The following IL16 variants were observed in gnomAD, a reference collection of about 807,000 sequenced individuals.
IL16 encodes the protein pro-interleukin-16.
IL16 carries 67 observed loss-of-function variants against 110.1 expected under a neutral mutation model. The observed-to-expected ratio is 0.61, with a 90% CI of 0.50 to 0.75. IL16 has a LOEUF of 0.75. Among genes scored for constraint, IL16 ranks in the 30% least tolerant of loss-of-function variants. The pLI, the probability that IL16 is intolerant of heterozygous loss-of-function variation, is 0.00. For missense variants in IL16, 1,545 were observed against 1,655.0 expected, an observed-to-expected ratio of 0.93 and a Z score of 1.15; for synonymous variants, 689 against 662.9, an observed-to-expected ratio of 1.04 and a Z score of -0.61.
At chr15:81,238,030 A>G (rs528741722) in intron 2 of IL16, among the ~76,000 whole-genome samples, 1 of 151,950 alleles carries the variant, frequency 6.6e-6, no homozygotes, top group Non-Finnish European at 1.5e-5. Flanking sequence ...CAGCCTTCCG[A>G]GTAGCTGGGA....
Position 81,292,936 on chromosome 15 carries a change from C to G in IL16, c.1801C>G (p.Pro601Ala). The G allele has an allele frequency of 1.2e-6, 2 of 1,614,210 alleles. No individual in the cohort carries two copies. The highest frequency in any genetic ancestry group is 2.2e-5 in the South Asian group (2 of 91,086). Reference protein sequence around the residue: ...KPMSSKPKPPPRKYFKSDSDP... With the variant: ...KPMSSKPKPPARKYFKSDSDP... ...TATGTCCTCCAAGCCCAAGCCTCCA[C>G]CCAGAAAATACTTTAAAAGTGACAG... The change falls in exon 12 of 19, where the codon CCC becomes GCC. Residue 601 changes from proline to alanine, a missense_variant. Pro to Ala is a conservative substitution (Grantham distance 27, BLOSUM62 -1). This residue lies in a region of IL16 where 1,185 missense variants were observed against 1,238.8 expected (regional missense o/e 0.96). Coordinates refer to ENST00000683961, the MANE Select transcript of IL16 (RefSeq NM_172217.5).
At chr15:81,306,280 T>C (rs774395830) in intron 17 of IL16, 114 bp downstream of exon 17, 15 of 1,518,650 alleles carry the variant, frequency 9.9e-6, no homozygotes, top group Non-Finnish European at 1.3e-5. Context: ...TGTGGCTGCC[T>C]AGTACACTGC....
intron 13 of IL16, among the ~76,000 whole-genome samples, chr15:81,297,665 C>A (rs1900054937): frequency 6.6e-6 from 1 of 152,126 alleles, no homozygotes; most frequent in Admixed American, 6.5e-5. Context: ...ACCTACTTTG[C>A]CTTTCTGAGC....
intron 1 of IL16, among the ~76,000 whole-genome samples, chr15:81,224,280 T>A (rs527720957): frequency 6.6e-6 from 1 of 152,238 alleles, no homozygotes; most frequent in African/African-American, 2.4e-5. Context: ...GCAGTACCAA[T>A]GGGCCAAGAG....
At chr15:81,201,042 A>C (rs1196616876) in intron 1 of IL16, among the ~76,000 whole-genome samples, 3 of 152,210 alleles carry the variant, frequency 2.0e-5, no homozygotes, top group African/African-American at 7.2e-5. Context: ...ATCCTGCAGC[A>C]GTTGCTGAGA....
chr15:81,259,670 G>T, intron 2 of IL16, 102 bp from the exon 3 acceptor site: 1 of 697,902 alleles, frequency 1.4e-6, no homozygotes, highest in South Asian at 1.7e-5. Context: ...AGGGGAGACA[G>T]ATAATCTGAG....
intron 18 of IL16, among the ~76,000 whole-genome samples, chr15:81,307,745 T>A (rs1900646313): frequency 2.0e-5 from 3 of 152,174 alleles, no homozygotes; most frequent in Admixed American, 1.3e-4. Flanking sequence ...AGATGCAGAT[T>A]CTGGAGCCAG....
rs1900717100 is a variant in IL16, at chr15:81,309,002, G to T, written c.*204G>T. 2 of 484,022 alleles carry T rather than the reference G, an allele frequency of 4.1e-6. No individual in the cohort carries two copies. The highest frequency in any genetic ancestry group is 7.3e-5 in the South Asian group (2 of 27,512). 30.0% of individuals were successfully genotyped at this position (484,022 alleles called of 1,614,324 possible). A position where few individuals can be genotyped will look rare whatever the true frequency, so the allele number is the denominator to read the frequency against. ...TAAAATAAGGGCAGAGTCACACGGG[G>T]GCAGCTGATACAAATTGCAGACTGT... On this transcript the variant is annotated 3_prime_UTR_variant, in exon 19 of 19. Transcript: ENST00000683961.
chr15:81,246,677 G>A (rs530400485), intron 2 of IL16, among the ~76,000 whole-genome samples: 3 of 151,412 alleles, frequency 2.0e-5, no homozygotes, highest in African/African-American at 7.3e-5. Flanking sequence ...CTTTTTACTT[G>A]CCAGGTAACT....
intron 1 of IL16, among the ~76,000 whole-genome samples, chr15:81,206,636 T>C (rs1034128085): frequency 6.6e-5 from 10 of 152,196 alleles, no homozygotes; most frequent in Admixed American, 5.9e-4. Context: ...ACGATGCAAT[T>C]AAACTGGAAT....
intron 13 of IL16, among the ~76,000 whole-genome samples, chr15:81,297,357 G>A (rs1900040379): frequency 6.6e-6 from 1 of 152,090 alleles, no homozygotes; most frequent in Non-Finnish European, 1.5e-5. Context: ...CCTTGGAAGA[G>A]GTCCAAAGAC....
intron 8 of IL16, among the ~76,000 whole-genome samples, chr15:81,281,524 C>T (rs1186202949): frequency 6.6e-6 from 1 of 152,256 alleles, no homozygotes; most frequent in African/African-American, 2.4e-5. Context: ...AACATCTGCT[C>T]TACACGTCGC....
At chr15:81,293,078 G>T in intron 12 of IL16, 41 bp downstream of exon 12, 1 of 1,550,430 alleles carries the variant, frequency 6.4e-7, no homozygotes, top group South Asian at 1.2e-5. Flanking sequence ...TCCAGGACCA[G>T]ACTCAAATCT....
At chr15:81,209,260 C>T (rs755162900) in intron 1 of IL16, among the ~76,000 whole-genome samples, 31 of 152,000 alleles carry the variant, frequency 2.0e-4, no homozygotes, top group Non-Finnish European at 3.5e-4. Context: ...ATGGGTACAC[C>T]GAGGAGGGCA....
At chr15:81,223,348 G>A (rs552896968) in intron 1 of IL16, among the ~76,000 whole-genome samples, 3 of 152,332 alleles carry the variant, frequency 2.0e-5, no homozygotes, top group South Asian at 2.1e-4. Context: ...AGGACATGGA[G>A]TTAACATATA....
At chr15:81,248,823 C>T (rs1897664598) in intron 2 of IL16, among the ~76,000 whole-genome samples, 1 of 150,444 alleles carries the variant, frequency 6.6e-6, no homozygotes, top group Admixed American at 6.6e-5. Flanking sequence ...TGGGTTCAAG[C>T]CGTTCTCCTG....
chr15:81,265,858 G>T, intron 4 of IL16, 57 bp downstream of exon 4: 1 of 1,530,380 alleles, frequency 6.5e-7, no homozygotes, highest in East Asian at 2.3e-5. Flanking sequence ...GAAGGGAGGG[G>T]CCCAACATTA....
intron 1 of IL16, among the ~76,000 whole-genome samples, chr15:81,191,684 G>A (rs2141922869): frequency 6.6e-6 from 1 of 152,298 alleles, no homozygotes; most frequent in Middle Eastern, 3.4e-3. Context: ...AGGTTGAGTG[G>A]TCAAGAAAGA....
At chr15:81,225,139 G>T (rs1319074889) in intron 1 of IL16, among the ~76,000 whole-genome samples, 160 bp from the exon 2 acceptor site, 1 of 152,150 alleles carries the variant, frequency 6.6e-6, no homozygotes, top group Non-Finnish European at 1.5e-5. Context: ...AGCCCCATTT[G>T]GCTGGCACAC....
Sources: gnomAD v4.1 joint callset for allele counts (sites outside exome capture counted in the v4.1 genomes callset) on GRCh38, gnomAD v4.1.1 for gene constraint, gnomAD v4.1.1 regional missense constraint, MANE v1.5 for transcripts, NCBI Gene and HGNC (gene_info 2026-07-23, HGNC 2026-07-21) for gene names.